ISY1: variants seen among roughly 807,000 people sequenced by gnomAD.
ISY1 encodes ISY1 spliceosome associated protein.
A neutral mutation model predicts 54.4 loss-of-function variants in ISY1; 12 were observed. The observed-to-expected ratio is 0.22, with a 90% CI of 0.14 to 0.36. The LOEUF is 0.36. ISY1 is among the 10% of genes least tolerant of loss of function. The probability of loss-of-function intolerance (pLI) is 1.00; values close to 1 mark genes in which losing one functional copy is unlikely to be tolerated. For missense variants in ISY1, 282 were observed against 342.2 expected (o/e 0.82, Z 1.39); for synonymous variants, 96 against 117.9 (o/e 0.81, Z 1.20).
intron 10 of ISY1, among the ~76,000 whole-genome samples, 170 bp downstream of exon 10, chr3:129,130,380 T>C (rs944371286): frequency 4.6e-5 from 7 of 152,080 alleles, no homozygotes; most frequent in African/African-American, 1.7e-4. Flanking sequence ...GAGCAGAGGG[T>C]CCTGCCCTTT....
At chr3:129,154,692 C>CTTT (rs71153171) in intron 5 of ISY1, among the ~76,000 whole-genome samples, 11 of 136,532 alleles carry the variant, frequency 8.1e-5, no homozygotes, top group East Asian at 4.3e-4. Flanking sequence ...TTTTATTGAT[C>CTTT]TTTTTTTTTT....
intron 5 of ISY1, among the ~76,000 whole-genome samples, chr3:129,147,786 C>T (rs550880956): frequency 1.3e-5 from 2 of 152,166 alleles, no homozygotes; most frequent in East Asian, 3.9e-4. Flanking sequence ...TCAACCCCTC[C>T]CCCTACCCAA....
At chr3:129,154,852 C>T (rs569012317) in intron 5 of ISY1, among the ~76,000 whole-genome samples, 180 of 152,022 alleles carry the variant, frequency 1.2e-3, no homozygotes, top group Admixed American at 3.7e-3. Flanking sequence ...CCACATCCAG[C>T]TAATTTTTTG....
At position 129,134,888 on chromosome 3, in the gene ISY1, T is replaced by A. The variant is rs771373081; in HGVS notation, c.485A>T (p.Tyr162Phe). 1 of 1,611,808 alleles carries A rather than the reference T, an allele frequency of 6.2e-7. No homozygotes were observed. The highest frequency in any genetic ancestry group is 8.5e-7 in the Non-Finnish European group (1 of 1,178,402). Residue 162 changes from tyrosine (Y) to phenylalanine (F), a missense_variant, in exon 8 of 11, where the codon TAC (tyrosine) becomes TTC (phenylalanine). By Grantham distance (22) the Tyr-to-Phe change is conservative (BLOSUM62 3). Coordinates refer to ENST00000393295, the MANE Select transcript of ISY1 (RefSeq NM_020701.4). Reference protein sequence around the residue: ...MKAIDFEYYGYLDEDDGVIVP... With the variant: ...MKAIDFEYYGFLDEDDGVIVP... ...AATAACACCATCATCTTCATCTAGG[T>A]AACCATAGTACTCAAAATCGATTGC... is the stretch of plus-strand genomic sequence containing the variant.
At chr3:129,160,259 C>T (rs972237185) in intron 1 of ISY1, among the ~76,000 whole-genome samples, 4 of 152,186 alleles carry the variant, frequency 2.6e-5, no homozygotes, top group Middle Eastern at 3.4e-3. Flanking sequence ...CCATGACGCC[C>T]AGTGTTTCTT....
chr3:129,142,164 G>A (rs1161418707), intron 6 of ISY1, among the ~76,000 whole-genome samples: 1 of 146,842 alleles, frequency 6.8e-6, no homozygotes, highest in East Asian at 2.0e-4. Flanking sequence ...GAGATCGCAC[G>A]CCACTGCACT....
chr3:129,130,684 A>G (rs1278437673), intron 9 of ISY1, 48 bp from the exon 10 acceptor site: 1 of 1,601,962 alleles, frequency 6.2e-7, no homozygotes, highest in East Asian at 2.2e-5. Context: ...CCAGCTAGAT[A>G]AATGCTGGCA....
chr3:129,145,515 G>T lies in ISY1; in HGVS notation c.300+246C>A, dbSNP rs142600422. Among the ~76,000 whole-genome samples, 15 of 152,250 alleles carry T rather than the reference G, an allele frequency of 9.9e-5. No individual in the cohort carries two copies. The East Asian group carries it at 2.9e-3, about 29-fold the overall frequency. ...TGGGATTATAGGAGTGAGCTACCAT[G>T]CCCGGGCTCATGGTCATTTTAAACA... On this transcript the variant is annotated intron_variant, in intron 6 of 10. Coordinates refer to ENST00000393295, the MANE Select transcript of ISY1 (RefSeq NM_020701.4).
At position 129,134,141 on chromosome 3, in the gene ISY1, C is replaced by CT; in HGVS notation, c.595dup (p.Arg199LysfsTer54). 1 of 1,614,180 alleles carries CT rather than the reference C, an allele frequency of 6.2e-7. No homozygotes were observed. The stretch of plus-strand genomic sequence containing the variant: ...TTCCTCCTCCTCTTCCTTTTCTCCT[C>CT]TTGCCAGCCGAGCCTCTCTCTCTGC... On this transcript the variant is annotated frameshift_variant, in exon 9 of 11. Transcript: ENST00000393295. LOFTEE classifies it high-confidence loss of function.
At chr3:129,154,134 C>T (rs1178109803) in intron 5 of ISY1, among the ~76,000 whole-genome samples, 17 of 149,876 alleles carry the variant, frequency 1.1e-4, no homozygotes, top group African/African-American at 2.2e-4. Context: ...CCCAGCTACG[C>T]GGGAGGCTGA....
intron 7 of ISY1, among the ~76,000 whole-genome samples, chr3:129,137,902 A>C (rs12490281): frequency 6.9e-6 from 1 of 144,052 alleles, no homozygotes. Context: ...GCAACACAGC[A>C]AGACTCCATG....
chr3:129,130,776 C>A, intron 9 of ISY1, 140 bp from the exon 10 acceptor site: 1 of 863,310 alleles, frequency 1.2e-6, no homozygotes, highest in Non-Finnish European at 1.7e-6. Flanking sequence ...AGACACTTGA[C>A]CCACAAGATT....
intron 5 of ISY1, among the ~76,000 whole-genome samples, chr3:129,150,656 T>C (rs1222375468): frequency 6.6e-6 from 1 of 151,748 alleles, no homozygotes; most frequent in East Asian, 1.9e-4. Context: ...GAGCTTGCAG[T>C]GAGCTGCACT....
In ISY1 at chr3:129,128,876, C is replaced by T. The variant is rs1936163772; in HGVS notation, c.*1205G>A. ...GCTACAGCCGCTGACCATGGTTCCC[C>T]ACTGGAGAGCTAAGCCCCAGTTCAG... is the stretch of plus-strand genomic sequence containing the variant. On this transcript the variant is annotated 3_prime_UTR_variant, in exon 11 of 11. Transcript: ENST00000393295. 2 of 152,478 alleles carry T rather than the reference C, an allele frequency of 1.3e-5. No individual in the cohort carries two copies. The highest frequency in any genetic ancestry group is 6.5e-5 in the Admixed American group (1 of 15,284). The allele number at this position is 152,478 out of a possible 1,614,324, so 9.4% of individuals were successfully genotyped here. A position where few individuals can be genotyped will look rare whatever the true frequency, so the allele number is the denominator to read the frequency against.
chr3:129,153,574 G>A (rs778268921), intron 5 of ISY1, among the ~76,000 whole-genome samples: 2 of 151,804 alleles, frequency 1.3e-5, no homozygotes, highest in Non-Finnish European at 2.9e-5. Context: ...ATGAGGTCAG[G>A]AGATCGAGAC....
At chr3:129,135,859 T>G (rs1193238600) in intron 7 of ISY1, among the ~76,000 whole-genome samples, 1 of 152,004 alleles carries the variant, frequency 6.6e-6, no homozygotes, top group African/African-American at 2.4e-5. Flanking sequence ...AGAGAAAACT[T>G]GGGAATAACC....
chr3:129,149,636 TAC>T lies in ISY1; in HGVS notation c.188-3765_188-3764del, dbSNP rs1553783004. 5.3e-3 allele frequency among the ~76,000 whole-genome samples: 288 copies of T among 54,700 alleles called. 6 individuals carry two copies. Among genetic ancestry groups the T allele is most frequent in the African/African-American group, 0.017 (282 of 16,612 alleles). 35.9% of individuals were successfully genotyped at this position (54,700 alleles called of 152,430 possible). ...ATATATATATATATATATATATATA[TAC>T]ACAAAAAAAATCAGCTATGCATGGT... is the stretch of plus-strand genomic sequence containing the variant. On this transcript the variant is annotated intron_variant, in intron 5 of 10. Coordinates refer to ENST00000393295, the MANE Select transcript of ISY1 (RefSeq NM_020701.4).
intron 6 of ISY1, 145 bp from the exon 7 acceptor site, chr3:129,140,630 C>A (rs1936579142): frequency 1.2e-6 from 1 of 849,542 alleles, no homozygotes; most frequent in East Asian, 2.8e-5. Flanking sequence ...GGCTGGAGTG[C>A]AGTAGCACAA....
At chr3:129,143,868 T>G (rs1936698075) in intron 6 of ISY1, among the ~76,000 whole-genome samples, 3 of 152,078 alleles carry the variant, frequency 2.0e-5, no homozygotes, top group African/African-American at 7.2e-5. Context: ...TGGCTGCACT[T>G]ATGTAATGGG....
Sources: allele counts gnomAD v4.1 joint callset (sites outside exome capture counted in the v4.1 genomes callset), GRCh38; gene constraint gnomAD v4.1.1; transcripts MANE v1.5; gene names NCBI Gene and HGNC (gene_info 2026-07-23, HGNC 2026-07-21).